PLCB1: variants seen among roughly 807,000 people sequenced by gnomAD.
PLCB1 encodes the protein 1-phosphatidylinositol 4,5-bisphosphate phosphodiesterase beta-1.
A neutral mutation model predicts 161.8 loss-of-function variants in PLCB1; 46 were observed. The ratio of observed to expected loss-of-function variants is 0.28; its 90% CI spans 0.22 to 0.36. The LOEUF is 0.36. PLCB1 is among the 10% of genes least tolerant of loss of function. The probability of loss-of-function intolerance (pLI) is 1.00; values close to 1 mark genes in which losing one functional copy is unlikely to be tolerated. For missense variants in PLCB1, 1,016 were observed against 1,472.5 expected (o/e 0.69, Z 5.07); for synonymous variants, 517 against 503.7 (o/e 1.03, Z -0.35).
At chr20:8,536,612 G>A (rs1015200541) in intron 3 of PLCB1, among the ~76,000 whole-genome samples, 10 of 152,048 alleles carry the variant, frequency 6.6e-5, no homozygotes, top group South Asian at 2.1e-4. Flanking sequence ...ATCACTCACC[G>A]GCCCCATATC....
intron 3 of PLCB1, among the ~76,000 whole-genome samples, chr20:8,594,991 T>C (rs1987282603): frequency 6.6e-6 from 1 of 152,246 alleles, no homozygotes; most frequent in African/African-American, 2.4e-5. Flanking sequence ...AAGATGCATC[T>C]GTGAATTTTC....
chr20:8,629,879 CTCTCTCTT>C (rs1186886396), intron 4 of PLCB1, among the ~76,000 whole-genome samples: 1 of 89,764 alleles, frequency 1.1e-5, no homozygotes, highest in Non-Finnish European at 2.2e-5. Context: ...CTTTCTTTCT[CTCTCTCTT>C]TCTTTTCTTT....
intron 2 of PLCB1, among the ~76,000 whole-genome samples, chr20:8,216,628 G>T (rs182943303): frequency 3.3e-5 from 5 of 152,076 alleles, no homozygotes; most frequent in Admixed American, 3.3e-4. Flanking sequence ...TCAACCAAAG[G>T]TAGTTTCCTG....
intron 3 of PLCB1, among the ~76,000 whole-genome samples, chr20:8,606,894 A>G (rs997039044): frequency 1.3e-5 from 2 of 152,002 alleles, no homozygotes; most frequent in Admixed American, 6.6e-5. Flanking sequence ...TTTCTTTTGG[A>G]TCAGTTTTGG....
At chr20:8,339,825 C>A (rs185755708) in intron 2 of PLCB1, among the ~76,000 whole-genome samples, 4 of 152,214 alleles carry the variant, frequency 2.6e-5, no homozygotes, top group African/African-American at 4.8e-5. Flanking sequence ...TTAATGGGGC[C>A]AGGCACTGTG....
chr20:8,304,220 A>G (rs1984027971), intron 2 of PLCB1, among the ~76,000 whole-genome samples: 1 of 152,102 alleles, frequency 6.6e-6, no homozygotes, highest in Non-Finnish European at 1.5e-5. Flanking sequence ...TTCTGGCTTC[A>G]TTATTTATCA....
chr20:8,587,217 G>A (rs1419193061), intron 3 of PLCB1, among the ~76,000 whole-genome samples: 1 of 152,020 alleles, frequency 6.6e-6, no homozygotes, highest in Non-Finnish European at 1.5e-5. Flanking sequence ...GGGAGATGGT[G>A]TAGAATCTAC....
In PLCB1 at chr20:8,219,476, A is replaced by G. The variant is rs188751850; in HGVS notation, c.177+69105A>G. Among the ~76,000 whole-genome samples the G allele has an allele frequency of 5.7e-3, 869 of 152,238 alleles. 26 individuals carry two copies. Among genetic ancestry groups the G allele is most frequent in the Admixed American group, 0.032 (490 of 15,272 alleles). On this transcript the variant is annotated intron_variant, in intron 2 of 31. Transcript: ENST00000338037. ...GAAGGTGGGATGCTCTCTATAAGGG[A>G]ACTACTGCTCTCCATAAGGAAAGCA...
intron 31 of PLCB1, among the ~76,000 whole-genome samples, chr20:8,847,971 T>G (rs1343528888): frequency 1.3e-5 from 2 of 152,172 alleles, no homozygotes; most frequent in African/African-American, 2.4e-5. Flanking sequence ...TTCGGTTGTC[T>G]GGTAAGGGCT....
At chr20:8,429,167 C>G (rs1979924087) in intron 3 of PLCB1, among the ~76,000 whole-genome samples, 1 of 152,190 alleles carries the variant, frequency 6.6e-6, no homozygotes, top group South Asian at 2.1e-4. Context: ...CACCTTCCTG[C>G]CAGTCTCGAG....
intron 3 of PLCB1, among the ~76,000 whole-genome samples, chr20:8,572,111 A>C (rs1986541152): frequency 6.6e-6 from 1 of 152,236 alleles, no homozygotes; most frequent in Non-Finnish European, 1.5e-5. Flanking sequence ...ATAAAATGCC[A>C]TTTTAATCAT....
intron 29 of PLCB1, 118 bp downstream of exon 29, chr20:8,788,840 C>T (rs1461105285): frequency 1.5e-6 from 1 of 659,650 alleles, no homozygotes; most frequent in Non-Finnish European, 2.6e-6. Context: ...CTCCTCTAGT[C>T]AGCCTTTCAA....
At chr20:8,697,905 T>C (rs1990616383) in intron 11 of PLCB1, 122 bp downstream of exon 11, 1 of 854,650 alleles carries the variant, frequency 1.2e-6, no homozygotes, top group Admixed American at 3.1e-5. Flanking sequence ...TAATCATCTT[T>C]GCAATTTCAG....
At chr20:8,227,029 A>G (rs905262475) in intron 2 of PLCB1, among the ~76,000 whole-genome samples, 1 of 152,174 alleles carries the variant, frequency 6.6e-6, no homozygotes, top group Non-Finnish European at 1.5e-5. Context: ...AGCCTAAAAC[A>G]TCTGAAATGT....
chr20:8,173,345 A>G (rs1600215281), intron 2 of PLCB1, among the ~76,000 whole-genome samples: 1 of 152,322 alleles, frequency 6.6e-6, no homozygotes, highest in Non-Finnish European at 1.5e-5. Context: ...CTGTAGGGTC[A>G]GACTGAAAAA....
chr20:8,202,033 G>C (rs1232162177), intron 2 of PLCB1, among the ~76,000 whole-genome samples: 2 of 152,122 alleles, frequency 1.3e-5, no homozygotes, highest in Non-Finnish European at 2.9e-5. Flanking sequence ...GTATATTCAG[G>C]AAGGCAGTAT....
At chr20:8,402,086 A>G in intron 3 of PLCB1, among the ~76,000 whole-genome samples, 1 of 152,166 alleles carries the variant, frequency 6.6e-6, no homozygotes, top group Admixed American at 6.5e-5. Context: ...TTTTTAGACT[A>G]GTAATAAAAT....
chr20:8,148,058 C>G (rs1407775688), intron 1 of PLCB1, among the ~76,000 whole-genome samples: 1 of 151,760 alleles, frequency 6.6e-6, no homozygotes, highest in African/African-American at 2.4e-5. Flanking sequence ...CAGGGAATCG[C>G]CACCAAGATT....
At chr20:8,424,016 C>G (rs907050423) in intron 3 of PLCB1, among the ~76,000 whole-genome samples, 1 of 152,172 alleles carries the variant, frequency 6.6e-6, no homozygotes, top group Admixed American at 6.5e-5. Flanking sequence ...AGACTGCCCT[C>G]TGGAAGAACA....
Sources: gnomAD v4.1 joint callset for allele counts (sites outside exome capture counted in the v4.1 genomes callset) on GRCh38, gnomAD v4.1.1 for gene constraint, MANE v1.5 for transcripts, NCBI Gene and HGNC (gene_info 2026-07-23, HGNC 2026-07-21) for gene names.